Variants in PCDHGB5 observed in about 807,000 individuals in gnomAD.
PCDHGB5 encodes protocadherin gamma subfamily B, 5, also known as protocadherin gamma-B5.
A neutral mutation model predicts 62.9 loss-of-function variants in PCDHGB5; 48 were observed. The observed-to-expected ratio is 0.76, with a 90% CI of 0.61 to 0.97. The LOEUF is 0.97. Among genes scored for constraint, PCDHGB5 ranks in the 50% least tolerant of loss-of-function variants. The pLI is 0.00. For synonymous variants in PCDHGB5, 474 were observed against 511.2 expected (o/e 0.93, Z 0.98); for missense variants, 1,118 against 1,198.6 (o/e 0.93, Z 0.99).
At chr5:141,420,240 C>G (rs752339982) in intron 1 of PCDHGB5, 3 of 1,593,140 alleles carry the variant, frequency 1.9e-6, no homozygotes, top group Non-Finnish European at 2.6e-6. Context: ...ATTTTAACTC[C>G]CAGCGTTGAA....
At chr5:141,463,176 C>T (rs989201395) in intron 1 of PCDHGB5, among the ~76,000 whole-genome samples, 2 of 152,100 alleles carry the variant, frequency 1.3e-5, no homozygotes, top group African/African-American at 4.8e-5. Context: ...TATGTATGCT[C>T]AGATTATTAT....
intron 1 of PCDHGB5, among the ~76,000 whole-genome samples, chr5:141,406,298 T>G (rs2154537368): frequency 6.6e-6 from 1 of 152,178 alleles, no homozygotes; most frequent in East Asian, 1.9e-4. Flanking sequence ...GGGTGAGGTG[T>G]GAACCACCTC....
intron 1 of PCDHGB5, chr5:141,426,860 A>T (rs771106873): frequency 2.6e-5 from 12 of 456,702 alleles, no homozygotes; most frequent in Admixed American, 2.3e-4. Flanking sequence ...CTCCAGAATT[A>T]GTGCTGGAGA....
chr5:141,435,059 G>A (rs2097741198), intron 1 of PCDHGB5, among the ~76,000 whole-genome samples: 1 of 152,042 alleles, frequency 6.6e-6, no homozygotes, highest in Non-Finnish European at 1.5e-5. Context: ...CCATGCAGCA[G>A]TTTTGTGTAG....
chr5:141,439,618 C>T (rs964445098), intron 1 of PCDHGB5, among the ~76,000 whole-genome samples: 2 of 152,178 alleles, frequency 1.3e-5, no homozygotes, highest in East Asian at 3.8e-4. Context: ...GATAAATGAG[C>T]CAATCCCCAG....
chr5:141,407,529 T>G (rs2154538729), intron 1 of PCDHGB5, among the ~76,000 whole-genome samples: 1 of 151,552 alleles, frequency 6.6e-6, no homozygotes, highest in South Asian at 2.1e-4. Context: ...CTTAACTTAT[T>G]GTGCATTGGT....
chr5:141,478,271 A>G, intron 1 of PCDHGB5: 1 of 1,614,170 alleles, frequency 6.2e-7, no homozygotes, highest in Non-Finnish European at 8.5e-7. Flanking sequence ...CAAAGTTTAC[A>G]AGTGGAAGCA....
chr5:141,472,838 T>C (rs1457889821), intron 1 of PCDHGB5, among the ~76,000 whole-genome samples: 1 of 151,464 alleles, frequency 6.6e-6, no homozygotes, highest in Non-Finnish European at 1.5e-5. Context: ...AATAGAAAAT[T>C]AGCTGGGCAT....
At chr5:141,408,763 T>C in intron 1 of PCDHGB5, 1 of 1,611,150 alleles carries the variant, frequency 6.2e-7, no homozygotes. Context: ...TTAATTCCGA[T>C]GGTGGCAAAT....
intron 1 of PCDHGB5, chr5:141,492,073 G>C (rs2099736846): frequency 6.2e-6 from 3 of 480,898 alleles, no homozygotes; most frequent in Non-Finnish European, 1.1e-5. Flanking sequence ...CCTAGGCGCC[G>C]GCTCCGGCAC....
At chr5:141,424,762 A>T (rs1002777641) in intron 1 of PCDHGB5, 8 of 152,124 alleles carry the variant, frequency 5.3e-5, no homozygotes, top group African/African-American at 1.9e-4. Context: ...GGTCATTCTT[A>T]TGGCAAATAG....
rs1485167379 is a variant in PCDHGB5, at chr5:141,485,881, C to T, written c.2398-8926C>T. 5.0e-6 allele frequency: 8 copies of T among 1,613,984 alleles called. No homozygotes were observed. Among genetic ancestry groups the T allele is most frequent in the East Asian group, 2.2e-5 (1 of 44,880 alleles). On this transcript the variant is annotated intron_variant, in intron 1 of 3. Transcript: ENST00000617380. The surrounding 1 kb of genome is among the most constrained non-coding windows in gnomAD (Gnocchi z 5.7). ...TCCGGGTATCCGTGCTGGACGTAAACGACAACGCCCCAGCCTTCCAGCAAT... is the reference window on the plus strand; with the variant it reads ...TCCGGGTATCCGTGCTGGACGTAAATGACAACGCCCCAGCCTTCCAGCAAT...
intron 1 of PCDHGB5, chr5:141,424,567 A>T (rs1034112526): frequency 3.3e-5 from 5 of 152,176 alleles, no homozygotes; most frequent in African/African-American, 7.2e-5. Flanking sequence ...CTTCTCAAAA[A>T]CCTATTTTCA....
rs551220443 is a variant in PCDHGB5, at chr5:141,432,206, G to A, written c.2397+31682G>A. On this transcript the variant is annotated intron_variant, in intron 1 of 3. Transcript: ENST00000617380. The surrounding 1 kb of genome is among the most constrained non-coding windows in gnomAD (Gnocchi z 6.0). ...GACCGCCCACGACCCCGACTGTGAA[G>A]AGAACGCCCAGATCACTTATTCCCT... The A allele has an allele frequency of 6.2e-7, 1 of 1,614,096 alleles. No individual in the cohort carries two copies. Among genetic ancestry groups the A allele is most frequent in the Non-Finnish European group, 8.5e-7 (1 of 1,180,042 alleles).
intron 1 of PCDHGB5, chr5:141,413,956 G>A (rs2095696052): frequency 2.5e-6 from 4 of 1,613,366 alleles, no homozygotes; most frequent in African/African-American, 2.7e-5. Flanking sequence ...GAATTTGCCT[G>A]TGGGCACTCA....
intron 1 of PCDHGB5, among the ~76,000 whole-genome samples, chr5:141,462,839 T>C (rs1020663897): frequency 8.5e-5 from 13 of 152,228 alleles, no homozygotes; most frequent in Non-Finnish European, 1.5e-4. Context: ...GTAAATGTTA[T>C]ATTTTTGAGT....
At chr5:141,495,452 C>T (rs543717781) in intron 2 of PCDHGB5, among the ~76,000 whole-genome samples, 1 of 152,356 alleles carries the variant, frequency 6.6e-6, no homozygotes, top group Non-Finnish European at 1.5e-5. Context: ...TTGTCCTGCT[C>T]TCTGTCTGTG....
At chr5:141,503,263 C>T (rs2099818883) in intron 2 of PCDHGB5, among the ~76,000 whole-genome samples, 2 of 152,212 alleles carry the variant, frequency 1.3e-5, no homozygotes, top group South Asian at 4.2e-4. Context: ...GCCACAACCC[C>T]AGCACCTGGC....
In PCDHGB5 at chr5:141,489,663, C is replaced by T. The variant is rs1183544696; in HGVS notation, c.2398-5144C>T. The T allele has an allele frequency of 1.9e-6, 3 of 1,614,048 alleles. No individual in the cohort carries two copies. The highest frequency in any genetic ancestry group is 2.2e-5 in the South Asian group (2 of 91,094). ...TTGCCACCCCTGAGCGAGAGATGCGCATCTCAGAATCAGCAGCATCTGGGG... is the reference window on the plus strand; with the variant it reads ...TTGCCACCCCTGAGCGAGAGATGCGTATCTCAGAATCAGCAGCATCTGGGG... On this transcript the variant is annotated intron_variant, in intron 1 of 3. Coordinates refer to ENST00000617380, the MANE Select transcript of PCDHGB5 (RefSeq NM_018925.3). This position sits in a 1 kb window ranked among gnomAD's most constrained non-coding sequence, Gnocchi z 4.5.
Sources: gnomAD v4.1 joint callset for allele counts (sites outside exome capture counted in the v4.1 genomes callset) on GRCh38, gnomAD v4.1.1 for gene constraint, Gnocchi (gnomAD v3.1) non-coding constraint, MANE v1.5 for transcripts, NCBI Gene and HGNC (gene_info 2026-07-23, HGNC 2026-07-21) for gene names.